Variants in HNRNPAB observed in about 807,000 individuals in gnomAD.
HNRNPAB encodes the protein heterogeneous nuclear ribonucleoprotein A/B, also known as ABBP-1.
Under a neutral mutation model 44.1 loss-of-function variants are expected in HNRNPAB, and 17 were observed. That is an observed-to-expected ratio of 0.39 (90% CI 0.26 to 0.58). The LOEUF is 0.58. Among genes scored for constraint, HNRNPAB ranks in the 20% least tolerant of loss-of-function variants. The probability of loss-of-function intolerance (pLI) is 0.63; values close to 1 mark genes in which losing one functional copy is unlikely to be tolerated. For missense variants in HNRNPAB, 393 were observed against 432.7 expected (o/e 0.91, Z 0.81); for synonymous variants, 183 against 167.6 (o/e 1.09, Z -0.71).
Position 178,204,969 on chromosome 5 carries a change from C to A in HNRNPAB, c.132C>A (p.Thr44=). The change falls in exon 2 of 8, where the codon ACC becomes ACA. Residue 44 remains threonine, a synonymous_variant. Transcript: ENST00000358344. ...CCGCGGCGGGGGCTGGAGGCGCGACCGCGGCGCCCCCGAGCGGGAATCAGA... is the reference window on the plus strand; with the variant it reads ...CCGCGGCGGGGGCTGGAGGCGCGACAGCGGCGCCCCCGAGCGGGAATCAGA... ...TGAAAGAGGA[T]AAPPSGNQNG... 8.3e-7 allele frequency: 1 copy of A among 1,209,356 alleles called. No individual in the cohort carries two copies. The highest frequency in any genetic ancestry group is 3.3e-4 in the Middle Eastern group (1 of 3,070). 74.9% of individuals were successfully genotyped at this position (1,209,356 alleles called of 1,614,324 possible). A position where few individuals can be genotyped will look rare whatever the true frequency, so the allele number is the denominator to read the frequency against.
intron 2 of HNRNPAB, 74 bp downstream of exon 2, chr5:178,205,120 G>A (rs1340311419): frequency 6.4e-6 from 7 of 1,091,574 alleles, no homozygotes. Context: ...CACGCGGCGG[G>A]GGGAGGGGCG....
At chr5:178,210,303 T>TCACCCCTC in intron 7 of HNRNPAB, 31 bp downstream of exon 7, 4 of 1,613,510 alleles carry the variant, frequency 2.5e-6, no homozygotes, top group Non-Finnish European at 3.4e-6. Context: ...CCCCATCCGC[T>TCACCCCTC]CACCCCTCGT....
intron 7 of HNRNPAB, 126 bp from the exon 8 acceptor site, chr5:178,210,427 T>C: frequency 2.0e-6 from 3 of 1,520,458 alleles, no homozygotes; most frequent in South Asian, 2.3e-5. Context: ...TTCGGGGTCT[T>C]AATAACATGA....
In HNRNPAB at chr5:178,210,851, T is replaced by A. The variant is rs545872303; in HGVS notation, c.*228T>A. 32 of 565,000 alleles carry A rather than the reference T, an allele frequency of 5.7e-5. No individual in the cohort carries two copies. The highest frequency in any genetic ancestry group is 9.4e-4 in the Middle Eastern group (2 of 2,126). 35.0% of individuals were successfully genotyped at this position (565,000 alleles called of 1,614,324 possible). A position where few individuals can be genotyped will look rare whatever the true frequency, so the allele number is the denominator to read the frequency against. ...GGCCATAGCGCCATCATGGGCTGATTTTTATTACCAGGTCCCCCAGAAGCA... is the reference window on the plus strand; with the variant it reads ...GGCCATAGCGCCATCATGGGCTGATATTTATTACCAGGTCCCCCAGAAGCA... On this transcript the variant is annotated 3_prime_UTR_variant, in exon 8 of 8. Coordinates refer to ENST00000358344, the MANE Select transcript of HNRNPAB (RefSeq NM_031266.3).
intron 7 of HNRNPAB, 48 bp downstream of exon 7, chr5:178,210,320 G>A: frequency 6.2e-7 from 1 of 1,612,890 alleles, no homozygotes; most frequent in Non-Finnish European, 8.5e-7. Flanking sequence ...TCGTCCCCAG[G>A]GGAGGCAGGA....
In HNRNPAB at chr5:178,210,714, T is replaced by C; in HGVS notation, c.*91T>C. ...ATGTACCAAATTTAACTTGGCAAAC[T>C]TTCTATTGCCTGTCCCATGTGCATC... On this transcript the variant is annotated 3_prime_UTR_variant, in exon 8 of 8. Coordinates refer to ENST00000358344, the MANE Select transcript of HNRNPAB (RefSeq NM_031266.3). 1.0e-6 allele frequency: 1 copy of C among 967,316 alleles called. No homozygotes were observed. The highest frequency in any genetic ancestry group is 1.3e-5 in the South Asian group (1 of 75,912). 59.9% of individuals were successfully genotyped at this position (967,316 alleles called of 1,614,324 possible).
Position 178,205,058 on chromosome 5 carries a change from C to CGCGG in HNRNPAB, c.209+17_209+20dup, listed in dbSNP as rs1223012640. The CGCGG allele has an allele frequency of 3.3e-6, 4 of 1,202,508 alleles. No homozygotes were observed. The highest frequency in any genetic ancestry group is 4.1e-6 in the Non-Finnish European group (4 of 969,044). 74.5% of individuals were successfully genotyped at this position (1,202,508 alleles called of 1,614,324 possible). On this transcript the variant is annotated intron_variant, in intron 2 of 7. Coordinates refer to ENST00000358344, the MANE Select transcript of HNRNPAB (RefSeq NM_031266.3). The stretch of plus-strand genomic sequence containing the variant: ...GAGGAGGACGCGGGGTAGGTGCGGC[C>CGCGG]GCGGGCGGACGGGGGCGCCGCCTTT...
chr5:178,205,678 G>A, intron 2 of HNRNPAB, 164 bp from the exon 3 acceptor site: 2 of 654,636 alleles, frequency 3.1e-6, no homozygotes, highest in Admixed American at 5.9e-5. Flanking sequence ...TCCTGGTTGA[G>A]TTCAATTTGG....
chr5:178,209,935 C>T (rs1463228757), intron 6 of HNRNPAB, among the ~76,000 whole-genome samples, 197 bp from the exon 7 acceptor site: 1 of 152,080 alleles, frequency 6.6e-6, no homozygotes, highest in Non-Finnish European at 1.5e-5. Context: ...AGTTAGCATC[C>T]TGGTCTCTGA....
At chr5:178,205,636 G>A (rs749265613) in intron 2 of HNRNPAB, 3 of 547,202 alleles carry the variant, frequency 5.5e-6, no homozygotes, top group Non-Finnish European at 9.9e-6. Flanking sequence ...TCACAGGCTG[G>A]GGCTGCAGAG....
At chr5:178,209,176 C>T (rs776100195) in intron 5 of HNRNPAB, among the ~76,000 whole-genome samples, 154 bp from the exon 6 acceptor site, 1 of 152,252 alleles carries the variant, frequency 6.6e-6, no homozygotes, top group Non-Finnish European at 1.5e-5. Flanking sequence ...ATTCCATGAG[C>T]TTTAGCCCAA....
Position 178,205,905 on chromosome 5 carries a change from T to C in HNRNPAB, c.273T>C (p.Thr91=), listed in dbSNP as rs757634671. ...AAAAAGATTTAAAAGACTATTTTAC[T>C]AAATTTGGAGAGGTCGTTGACTGTA... ...TSKKDLKDYF[T]KFGEVVDCTI... Residue 91 remains threonine, a synonymous_variant, in exon 3 of 8, where the codon ACT becomes ACC. Coordinates refer to ENST00000358344, the MANE Select transcript of HNRNPAB (RefSeq NM_031266.3). 39 of 1,614,020 alleles carry C rather than the reference T, an allele frequency of 2.4e-5. No homozygotes were observed. Among genetic ancestry groups the C allele is most frequent in the Non-Finnish European group, 3.2e-5 (38 of 1,179,978 alleles).
rs763377195 is a variant in HNRNPAB, at chr5:178,210,656, CATGCTTTGTTTGGAT to C, written c.*37_*51del. On this transcript the variant is annotated 3_prime_UTR_variant, in exon 8 of 8. Coordinates refer to ENST00000358344, the MANE Select transcript of HNRNPAB (RefSeq NM_031266.3). Reference sequence around the variant, plus strand: ...GCAGGAGCGACCAACTGATCGCACACATGCTTTGTTTGGATATGGAGTGAACACAATTATGTACCA... The same window carrying C: ...GCAGGAGCGACCAACTGATCGCACACATGGAGTGAACACAATTATGTACCA... The C allele has an allele frequency of 6.5e-7, 1 of 1,548,738 alleles. No homozygotes were observed. The highest frequency in any genetic ancestry group is 1.4e-5 in the African/African-American group (1 of 73,590).
chr5:178,209,400 A>T lies in HNRNPAB; in HGVS notation c.740A>T (p.Asn247Ile), dbSNP rs752893394. 6.2e-7 allele frequency: 1 copy of T among 1,614,142 alleles called. No individual in the cohort carries two copies. The part of the protein sequence containing the change: ...QQQYGSGGRG[N>I]RNRGNRGSGG... ...CAGTATGGCTCTGGGGGCCGTGGAA[A>T]CCGCAACCGAGGGAACCGAGGCAGC... The change falls in exon 6 of 8, where the codon AAC (asparagine) becomes ATC (isoleucine). Residue 247 changes from asparagine to isoleucine, a missense_variant. Asn to Ile is a moderately radical substitution (Grantham distance 149). This residue lies in a region of HNRNPAB where 210 missense variants were observed against 196.9 expected (regional missense o/e 1.07). Coordinates refer to ENST00000358344, the MANE Select transcript of HNRNPAB (RefSeq NM_031266.3).
chr5:178,208,570 A>T (rs998296195), intron 5 of HNRNPAB: 49 of 152,364 alleles, frequency 3.2e-4, no homozygotes, highest in African/African-American at 1.1e-3. Flanking sequence ...TGCCAATTAA[A>T]AGTATGACTG....
Position 178,210,830 on chromosome 5 carries a change from A to G in HNRNPAB, c.*207A>G, listed in dbSNP as rs1758072942. On this transcript the variant is annotated 3_prime_UTR_variant, in exon 8 of 8. Transcript: ENST00000358344. Reference sequence around the variant, plus strand: ...GGCAGCGTGTGGTGTCTGAGAGGCCATAGCGCCATCATGGGCTGATTTTTA... The same window carrying G: ...GGCAGCGTGTGGTGTCTGAGAGGCCGTAGCGCCATCATGGGCTGATTTTTA... 3 of 591,704 alleles carry G rather than the reference A, an allele frequency of 5.1e-6. No homozygotes were observed. Among genetic ancestry groups the G allele is most frequent in the East Asian group, 5.7e-5 (2 of 34,954 alleles). The allele number at this position is 591,704 out of a possible 1,614,324, so 36.7% of individuals were successfully genotyped here.
chr5:178,208,038 G>A (rs750292391), intron 5 of HNRNPAB, among the ~76,000 whole-genome samples: 33 of 152,172 alleles, frequency 2.2e-4, no homozygotes, highest in Non-Finnish European at 3.4e-4. Flanking sequence ...AGATCTCCCA[G>A]GGTCCTGGCC....
chr5:178,205,713 T>TCTAA (rs1478909545), intron 2 of HNRNPAB, 129 bp from the exon 3 acceptor site: 8 of 803,820 alleles, frequency 1.0e-5, no homozygotes, highest in Non-Finnish European at 1.6e-5. Flanking sequence ...TTAACATCTT[T>TCTAA]CTAAGGTGCT....
rs369576001 is a variant in HNRNPAB, at chr5:178,210,260, G to T, written c.916G>T (p.Gly306Cys). ...SPYGYYGYGP[G>C]YDYSQGSTNY... is the part of the protein sequence containing the mutation. ...CTATGGCTATTACGGCTACGGCCCC[G>T]GCTACGACTACAGTAAGTAGGAGAG... Residue 306 changes from glycine (G) to cysteine (C), a missense_variant, in exon 7 of 8, where the codon GGC (glycine) becomes TGC (cysteine). By Grantham distance (159) the Gly-to-Cys change is radical. This residue lies in a region of HNRNPAB where 210 missense variants were observed against 196.9 expected (regional missense o/e 1.07). Transcript: ENST00000358344. 6.2e-7 allele frequency: 1 copy of T among 1,614,028 alleles called. No homozygotes were observed.
Sources: allele counts gnomAD v4.1 joint callset (sites outside exome capture counted in the v4.1 genomes callset), GRCh38; gene constraint gnomAD v4.1.1; regional missense constraint gnomAD v4.1.1; transcripts MANE v1.5; gene names NCBI Gene and HGNC (gene_info 2026-07-23, HGNC 2026-07-21).